CDC25A: variants seen among roughly 807,000 people sequenced by gnomAD.
CDC25A encodes the protein cell division cycle 25A, also known as M-phase inducer phosphatase 1.
Under a neutral mutation model 64.6 loss-of-function variants are expected in CDC25A, and 17 were observed. That is an observed-to-expected ratio of 0.26 (90% CI 0.18 to 0.39). CDC25A has a LOEUF of 0.39. Among genes scored for constraint, CDC25A ranks in the 10% least tolerant of loss-of-function variants. The pLI is 1.00. For synonymous variants in CDC25A, 229 were observed against 238.6 expected (o/e 0.96, Z 0.37); for missense variants, 473 against 654.8 (o/e 0.72, Z 3.03).
chr3:48,164,945 T>TA (rs781654424), intron 12 of CDC25A, among the ~76,000 whole-genome samples: 303 of 133,262 alleles, frequency 2.3e-3, no homozygotes, highest in African/African-American at 3.6e-3. Flanking sequence ...CCGTCTCTAC[T>TA]AAAAAAAAAA....
chr3:48,183,774 T>G (rs752309591), intron 4 of CDC25A, 26 bp downstream of exon 4: 1 of 1,501,416 alleles, frequency 6.7e-7, no homozygotes. Flanking sequence ...AGGTATTAGC[T>G]CAAAATAAAC....
chr3:48,160,400 C>T lies in CDC25A; in HGVS notation c.1323-945G>A, dbSNP rs1436620030. On this transcript the variant is annotated intron_variant, in intron 13 of 14. Coordinates refer to ENST00000302506, the MANE Select transcript of CDC25A (RefSeq NM_001789.3). ...TTGGGATTACAGGAGTTAGCCACCG[C>T]ACCCAGTCACCTTTTTTTTTTTTTT... 3.4e-5 allele frequency among the ~76,000 whole-genome samples: 5 copies of T among 147,246 alleles called. No homozygotes were observed. In the East Asian group the frequency reaches 6.0e-4, roughly 18 times the overall value.
chr3:48,174,336 C>G lies in CDC25A; in HGVS notation c.878G>C (p.Ser293Thr). 1 of 1,614,280 alleles carries G rather than the reference C, an allele frequency of 6.2e-7. No homozygotes were observed. The highest frequency in any genetic ancestry group is 1.7e-5 in the Admixed American group (1 of 60,036). Residue 293 changes from serine to threonine, a missense_variant, in exon 9 of 15, where the codon AGC becomes ACC. Physicochemically the swap from Ser to Thr is moderately conservative, Grantham distance 58. Transcript: ENST00000302506. Reference sequence around the variant, plus strand: ...CTCTTTGGGGCTGGCCCCAGACATGCTCTTCCTCCTCTTTGTACTTCCAGG... The same window carrying G: ...CTCTTTGGGGCTGGCCCCAGACATGGTCTTCCTCCTCTTTGTACTTCCAGG... ...SPPGSTKRRK[S>T]MSGASPKEST...
At chr3:48,183,121 A>C in intron 4 of CDC25A, 91 bp from the exon 5 acceptor site, 1 of 822,002 alleles carries the variant, frequency 1.2e-6, no homozygotes, top group Non-Finnish European at 2.1e-6. Context: ...GGGGGGTTGA[A>C]TAGGGGGTAG....
At chr3:48,182,459 T>TA (rs2032703081) in intron 5 of CDC25A, among the ~76,000 whole-genome samples, 1 of 152,206 alleles carries the variant, frequency 6.6e-6, no homozygotes, top group Non-Finnish European at 1.5e-5. Context: ...TCAGTTACTC[T>TA]GAGATTCCCT....
rs567974445 is a variant in CDC25A, at chr3:48,176,050, C to G, written c.756+1321G>C. Among the ~76,000 whole-genome samples, 3 of 152,262 alleles carry G rather than the reference C, an allele frequency of 2.0e-5. No homozygotes were observed. The East Asian group carries it at 5.8e-4, about 29-fold the overall frequency. Reference sequence around the variant, plus strand: ...GGGAGTGGTGGCGTAAGCCTGTAGTCCCAGCTACTCAGAAGGCTGAGCCAG... The same window carrying G: ...GGGAGTGGTGGCGTAAGCCTGTAGTGCCAGCTACTCAGAAGGCTGAGCCAG... On this transcript the variant is annotated intron_variant, in intron 8 of 14. Transcript: ENST00000302506.
intron 6 of CDC25A, among the ~76,000 whole-genome samples, chr3:48,180,123 G>A (rs1223800693): frequency 6.6e-6 from 1 of 152,120 alleles, no homozygotes; most frequent in Admixed American, 6.5e-5. Flanking sequence ...AAAAAATAGA[G>A]ATGTGGTCTC....
intron 13 of CDC25A, among the ~76,000 whole-genome samples, chr3:48,160,411 C>CTTT (rs35304690): frequency 7.7e-6 from 1 of 130,316 alleles, no homozygotes; most frequent in Non-Finnish European, 1.6e-5. Context: ...ACCCAGTCAC[C>CTTT]TTTTTTTTTT....
intron 5 of CDC25A, 98 bp downstream of exon 5, chr3:48,182,831 A>C (rs1340242241): frequency 1.2e-5 from 9 of 775,138 alleles, no homozygotes; most frequent in Non-Finnish European, 2.1e-5. Flanking sequence ...ATAATGGCCA[A>C]GTTTAGTCTC....
At chr3:48,187,726 GGCCGACACCGAGGCCAGGGGCCCGGAGC>G in intron 1 of CDC25A, 24 bp downstream of exon 1, 1 of 1,500,278 alleles carries the variant, frequency 6.7e-7, no homozygotes, top group Non-Finnish European at 9.0e-7. Context: ...ATCTCTCCGA[GGCCGACACCGAGGCCAGGGGCCCGGAGC>G]ACCGCCCGCC....
At chr3:48,159,243 T>TC in intron 14 of CDC25A, 101 bp downstream of exon 14, 1 of 1,264,302 alleles carries the variant, frequency 7.9e-7, no homozygotes, top group Non-Finnish European at 1.1e-6. Flanking sequence ...ACCCACCTTG[T>TC]CCCCCGACCC....
rs1378748710 is a variant in CDC25A at position 48,158,788 on chromosome 3, A to G, written c.*157T>C. Reference sequence around the variant, plus strand: ...AGCCAGCAAGATGCCCTGGGCTCCAACCTTGGGAGTGTGGGAGGTAGGTTT... The same window carrying G: ...AGCCAGCAAGATGCCCTGGGCTCCAGCCTTGGGAGTGTGGGAGGTAGGTTT... On this transcript the variant is annotated 3_prime_UTR_variant, in exon 15 of 15. Coordinates refer to ENST00000302506, the MANE Select transcript of CDC25A (RefSeq NM_001789.3). The G allele has an allele frequency of 2.3e-6, 2 of 870,172 alleles. No individual in the cohort carries two copies. Among genetic ancestry groups the G allele is most frequent in the Non-Finnish European group, 3.6e-6 (2 of 560,188 alleles). The allele number at this position is 870,172 out of a possible 1,614,324, so 53.9% of individuals were successfully genotyped here. A position where few individuals can be genotyped will look rare whatever the true frequency, so the allele number is the denominator to read the frequency against.
chr3:48,180,868 G>T, intron 5 of CDC25A, 28 bp from the exon 6 acceptor site: 1 of 1,611,442 alleles, frequency 6.2e-7, no homozygotes, highest in Non-Finnish European at 8.5e-7. Context: ...GACATCTACT[G>T]TCCATGAAAA....
chr3:48,182,954 A>G lies in CDC25A; in HGVS notation c.404T>C (p.Ile135Thr), dbSNP rs1559964260. ...ATTTTCCTTGTTCTCATCTGGGTCG[A>G]TGAGCTGAAAGATGTCATGGTCAAG... ...DSLDHDIFQL[I>T]DPDENKENEA... is the part of the protein sequence containing the mutation. The change falls in exon 5 of 15, where the codon ATC becomes ACC. Residue 135 changes from isoleucine to threonine, a missense_variant. Physicochemically the swap from Ile to Thr is moderately conservative, Grantham distance 89 (BLOSUM62 -1). Coordinates refer to ENST00000302506, the MANE Select transcript of CDC25A (RefSeq NM_001789.3). The G allele has an allele frequency of 6.2e-7, 1 of 1,613,088 alleles. No individual in the cohort carries two copies. Among genetic ancestry groups the G allele is most frequent in the Non-Finnish European group, 8.5e-7 (1 of 1,179,018 alleles).
chr3:48,182,068 G>A (rs946831874), intron 5 of CDC25A, among the ~76,000 whole-genome samples: 1 of 152,110 alleles, frequency 6.6e-6, no homozygotes, highest in Non-Finnish European at 1.5e-5. Context: ...GCTATTTCGG[G>A]GGAAAACCAG....
Position 48,165,896 on chromosome 3 carries a change from TA to T in CDC25A, c.1030-4del, listed in dbSNP as rs1194943117. On this transcript the variant is annotated splice_region_variant and splice_polypyrimidine_tract_variant and intron_variant, in intron 10 of 14. Coordinates refer to ENST00000302506, the MANE Select transcript of CDC25A (RefSeq NM_001789.3). ...GCAACTGTATGAAAGAGATAACCCT[TA>T]AAAAGAAAAAAAGATACTTAGAGAA... 1.3e-6 allele frequency: 2 copies of T among 1,557,148 alleles called. No homozygotes were observed. The highest frequency in any genetic ancestry group is 2.7e-5 in the African/African-American group (2 of 73,532).
In CDC25A at chr3:48,158,105, T is replaced by C. The variant is rs2031594415; in HGVS notation, c.*840A>G. Reference sequence around the variant, plus strand: ...AGTGCTTTCCTGACTGTGGCTCCTATACCAGCCAATGTCATGGAACTGGGG... The same window carrying C: ...AGTGCTTTCCTGACTGTGGCTCCTACACCAGCCAATGTCATGGAACTGGGG... On this transcript the variant is annotated 3_prime_UTR_variant, in exon 15 of 15. Transcript: ENST00000302506. 6.6e-6 allele frequency: 1 copy of C among 152,272 alleles called. No individual in the cohort carries two copies. The highest frequency in any genetic ancestry group is 2.4e-5 in the African/African-American group (1 of 41,348). 9.4% of individuals were successfully genotyped at this position (152,272 alleles called of 1,614,324 possible).
intron 8 of CDC25A, 53 bp downstream of exon 8, chr3:48,177,310 ACTACTCTG>A: frequency 7.9e-7 from 1 of 1,263,108 alleles, no homozygotes; most frequent in Middle Eastern, 1.9e-4. Context: ...TCAACTAAGG[ACTACTCTG>A]TCCAGTGCCC....
In CDC25A at chr3:48,174,177, C is replaced by T. The variant is rs564742962; in HGVS notation, c.930+107G>A. On this transcript the variant is annotated intron_variant, in intron 9 of 14. Coordinates refer to ENST00000302506, the MANE Select transcript of CDC25A (RefSeq NM_001789.3). ...CACACACACACACAACCCCACAAAACCCCAGCAAATCTTAGCAAAGAAAAT... is the reference window on the plus strand; with the variant it reads ...CACACACACACACAACCCCACAAAATCCCAGCAAATCTTAGCAAAGAAAAT... The T allele has an allele frequency of 8.8e-4, 940 of 1,069,036 alleles. 1 individual carries two copies. Among genetic ancestry groups the T allele is most frequent in the Non-Finnish European group, 1.2e-3 (882 of 739,694 alleles). 66.2% of individuals were successfully genotyped at this position (1,069,036 alleles called of 1,614,324 possible).
Sources: gnomAD v4.1 joint callset for allele counts (sites outside exome capture counted in the v4.1 genomes callset) on GRCh38, gnomAD v4.1.1 for gene constraint, MANE v1.5 for transcripts, NCBI Gene and HGNC (gene_info 2026-07-23, HGNC 2026-07-21) for gene names.